WASL: variants seen among roughly 807,000 people sequenced by gnomAD.
WASL encodes the protein WASP like actin nucleation promoting factor.
In WASL, 20 loss-of-function variants were observed where a neutral mutation model predicts 55.5. The ratio of observed to expected loss-of-function variants is 0.36; its 90% CI spans 0.25 to 0.52. The LOEUF (loss-of-function observed/expected upper bound fraction) is 0.52. WASL is among the 20% of genes least tolerant of loss of function. WASL has a pLI of 0.92. For missense variants in WASL, 504 were observed against 622.5 expected (o/e 0.81, Z 2.03); for synonymous variants, 249 against 217.6 (o/e 1.14, Z -1.27).
chr7:123,748,217 C>CGGTA (rs1272672874), intron 1 of WASL, among the ~76,000 whole-genome samples: 14 of 152,154 alleles, frequency 9.2e-5, no homozygotes, highest in African/African-American at 3.4e-4. Flanking sequence ...TGTTAAGGAA[C>CGGTA]GTACCCCCAG....
intron 5 of WASL, 117 bp from the exon 6 acceptor site, chr7:123,696,864 A>G: frequency 1.3e-6 from 1 of 751,240 alleles, no homozygotes; most frequent in Non-Finnish European, 1.8e-6. Context: ...TAAATTATTT[A>G]TATTTTAAAC....
Position 123,748,992 on chromosome 7 carries a change from T to G in WASL, c.-258A>C, listed in dbSNP as rs1289798459. Reference sequence around the variant, plus strand: ...GGCCGGATGGTCGTTGTCCTCGCACTCCGGCGACTGCGCTAAACTCCCAAC... The same window carrying G: ...GGCCGGATGGTCGTTGTCCTCGCACGCCGGCGACTGCGCTAAACTCCCAAC... On this transcript the variant is annotated 5_prime_UTR_variant, in exon 1 of 11. Coordinates refer to ENST00000223023, the MANE Select transcript of WASL (RefSeq NM_003941.4). The G allele has an allele frequency of 4.1e-6, 2 of 486,392 alleles. No homozygotes were observed. The highest frequency in any genetic ancestry group is 7.2e-6 in the Non-Finnish European group (2 of 277,846). The allele number at this position is 486,392 out of a possible 1,614,324, so 30.1% of individuals were successfully genotyped here.
intron 5 of WASL, among the ~76,000 whole-genome samples, chr7:123,700,201 AAAAAAAC>A (rs1403282546): frequency 0.039 from 3,141 of 80,640 alleles, 376 homozygotes; most frequent in South Asian, 0.058. Context: ...AAAAAAAAAA[AAAAAAAC>A]AACATTATTT....
At position 123,689,556 on chromosome 7, in the gene WASL, G is replaced by A. The variant is rs1408212921; in HGVS notation, c.1348-406C>T. On this transcript the variant is annotated intron_variant, in intron 9 of 10. Coordinates refer to ENST00000223023, the MANE Select transcript of WASL (RefSeq NM_003941.4). ...AGACTCCAGAGTTGTTACGTGGGACGCACACTGAAGATATTGAAAAACAAC... is the reference window on the plus strand; with the variant it reads ...AGACTCCAGAGTTGTTACGTGGGACACACACTGAAGATATTGAAAAACAAC... Among the ~76,000 whole-genome samples the A allele has an allele frequency of 3.9e-5, 6 of 152,058 alleles. No homozygotes were observed. The East Asian group carries it at 5.8e-4, about 15-fold the overall frequency.
chr7:123,687,018 A>T (rs1014611302), intron 10 of WASL, among the ~76,000 whole-genome samples: 2 of 152,130 alleles, frequency 1.3e-5, no homozygotes, highest in African/African-American at 4.8e-5. Context: ...AGGTATCTCA[A>T]ATTTAATATG....
Position 123,694,704 on chromosome 7 carries a change from A to G in WASL, c.826+11T>C, listed in dbSNP as rs766647513. The G allele has an allele frequency of 1.4e-5, 23 of 1,612,076 alleles. No individual in the cohort carries two copies. Among genetic ancestry groups the G allele is most frequent in the Non-Finnish European group, 2.0e-5 (23 of 1,179,340 alleles). ...AAACAAAACAGAACGCTGAATAGAG[A>G]TAAAAGTTACCTTGCCTCCGCAGTT... On this transcript the variant is annotated intron_variant, in intron 8 of 10. Coordinates refer to ENST00000223023, the MANE Select transcript of WASL (RefSeq NM_003941.4).
Position 123,692,556 on chromosome 7 carries a change from G to A in WASL, c.1138C>T (p.Pro380Ser), listed in dbSNP as rs1266948939. Residue 380 changes from proline (P) to serine (S), a missense_variant, in exon 9 of 11, where the codon CCA becomes TCA. Physicochemically the swap from Pro to Ser is moderately conservative, Grantham distance 74. Around this residue, in one of 5 missense-constraint regions of WASL, gnomAD observed 201 missense variants for 206.2 expected, o/e 0.97. Coordinates refer to ENST00000223023, the MANE Select transcript of WASL (RefSeq NM_003941.4). ...PVAPPPPPPPPPPPGPPPPPG... is the reference protein window; with the variant it reads ...PVAPPPPPPPSPPPGPPPPPG... ...GGGGGCGGTGGCCCAGGAGGAGGTG[G>A]AGGTGGAGGCGGTGGGGGTGGTGCC... 1.9e-6 allele frequency: 3 copies of A among 1,613,972 alleles called. No homozygotes were observed. The highest frequency in any genetic ancestry group is 2.5e-6 in the Non-Finnish European group (3 of 1,179,918).
chr7:123,706,826 C>A lies in WASL; in HGVS notation c.253G>T (p.Asp85Tyr). The A allele has an allele frequency of 1.3e-6, 2 of 1,536,410 alleles. No individual in the cohort carries two copies. Among genetic ancestry groups the A allele is most frequent in the African/African-American group, 1.4e-5 (1 of 70,780 alleles). The part of the protein sequence containing the change: ...SYFLRIFDIK[D>Y]GKLLWEQELY... ...TCTTGTTCCCACAATAGTTTCCCAT[C>A]CTAGAAAAAAGTTAAAAATTAAAAT... The change falls in exon 3 of 11, where the codon GAT becomes TAT. Residue 85 changes from aspartate (D) to tyrosine (Y), a missense_variant and splice_region_variant. Asp to Tyr is a radical substitution (Grantham distance 160, BLOSUM62 -3). Transcript: ENST00000223023.
chr7:123,702,479 T>A (rs994159202), intron 5 of WASL, among the ~76,000 whole-genome samples: 1 of 152,206 alleles, frequency 6.6e-6, no homozygotes, highest in African/African-American at 2.4e-5. Flanking sequence ...CTTCAGAAAT[T>A]CATTTTATAA....
At chr7:123,731,116 A>AT (rs1804128858) in intron 1 of WASL, among the ~76,000 whole-genome samples, 1 of 152,232 alleles carries the variant, frequency 6.6e-6, no homozygotes, top group Admixed American at 6.5e-5. Flanking sequence ...TGGAGCAGCT[A>AT]TATTAATTTC....
At chr7:123,686,961 C>T (rs532698788) in intron 10 of WASL, among the ~76,000 whole-genome samples, 3 of 152,236 alleles carry the variant, frequency 2.0e-5, no homozygotes, top group East Asian at 1.9e-4. Context: ...CCTGTGACTT[C>T]CAGACTCATA....
chr7:123,748,029 G>A (rs1372420851), intron 1 of WASL, among the ~76,000 whole-genome samples: 3 of 151,992 alleles, frequency 2.0e-5, no homozygotes, highest in Non-Finnish European at 4.4e-5. Context: ...GCCTAGGCAA[G>A]GTTGCTAGAG....
At chr7:123,732,187 G>A (rs948442185) in intron 1 of WASL, among the ~76,000 whole-genome samples, 23 of 151,998 alleles carry the variant, frequency 1.5e-4, no homozygotes, top group African/African-American at 5.1e-4. Flanking sequence ...AAAATTAGCC[G>A]GGTGTGGTGG....
At chr7:123,709,968 T>C (rs892371714) in intron 1 of WASL, among the ~76,000 whole-genome samples, 3 of 152,154 alleles carry the variant, frequency 2.0e-5, no homozygotes, top group Non-Finnish European at 4.4e-5. Flanking sequence ...TTCAGATGTA[T>C]AGGAGGGAAG....
intron 1 of WASL, among the ~76,000 whole-genome samples, chr7:123,709,551 G>A (rs1394263071): frequency 2.6e-5 from 4 of 151,942 alleles, no homozygotes; most frequent in Non-Finnish European, 4.4e-5. Flanking sequence ...TTTTTTACTT[G>A]AGAAACCCGA....
Position 123,683,595 on chromosome 7 carries a change from T to G in WASL, c.*924A>C, listed in dbSNP as rs1457173182. The G allele has an allele frequency of 2.6e-5, 4 of 152,016 alleles. No individual in the cohort carries two copies. The allele number at this position is 152,016 out of a possible 1,614,324, so 9.4% of individuals were successfully genotyped here. The stretch of plus-strand genomic sequence containing the variant: ...TCTGAACACCTCAATCCACACAAAG[T>G]GCAAAATAAAAATGCTAAAATTCTA... On this transcript the variant is annotated 3_prime_UTR_variant, in exon 11 of 11. Coordinates refer to ENST00000223023, the MANE Select transcript of WASL (RefSeq NM_003941.4).
At chr7:123,713,544 T>C in intron 1 of WASL, among the ~76,000 whole-genome samples, 1 of 152,218 alleles carries the variant, frequency 6.6e-6, no homozygotes. Flanking sequence ...ATGATCATGT[T>C]GGCCTAGATT....
chr7:123,732,510 T>C (rs773718840), intron 1 of WASL, among the ~76,000 whole-genome samples: 12 of 152,058 alleles, frequency 7.9e-5, no homozygotes, highest in Non-Finnish European at 1.8e-4. Context: ...ACACAAAAAC[T>C]AGACAATCTG....
intron 1 of WASL, among the ~76,000 whole-genome samples, chr7:123,739,298 T>C (rs938267442): frequency 1.3e-5 from 2 of 152,186 alleles, no homozygotes; most frequent in Admixed American, 6.5e-5. Flanking sequence ...CAAATGTCAT[T>C]CTCAATTCTA....
Sources: allele counts gnomAD v4.1 joint callset (sites outside exome capture counted in the v4.1 genomes callset), GRCh38; gene constraint gnomAD v4.1.1; regional missense constraint gnomAD v4.1.1; transcripts MANE v1.5; gene names NCBI Gene and HGNC (gene_info 2026-07-23, HGNC 2026-07-21).